DNAH11: variants seen among roughly 807,000 people sequenced by gnomAD.
DNAH11 encodes dynein axonemal heavy chain 11, also known as axonemal beta dynein heavy chain 11.
A neutral mutation model predicts 526.0 loss-of-function variants in DNAH11; 442 were observed. The observed-to-expected ratio is 0.84, with a 90% confidence interval of 0.78 to 0.91. The LOEUF is 0.91. Among genes scored for constraint, DNAH11 ranks in the 40% least tolerant of loss-of-function variants. DNAH11 has a pLI of 0.00. For missense variants in DNAH11, 6,989 were observed against 5,448.7 expected (o/e 1.28, Z -8.90); for synonymous variants, 2,461 against 1,935.9 (o/e 1.27, Z -7.12).
intron 65 of DNAH11, among the ~76,000 whole-genome samples, chr7:21,839,962 T>A (rs62445862): frequency 1.3e-5 from 2 of 152,178 alleles, no homozygotes; most frequent in Non-Finnish European, 2.9e-5. Context: ...TGTAAGAAAA[T>A]TTTAATTTTT....
Position 21,617,756 on chromosome 7 carries a change from C to T in DNAH11, c.4233C>T (p.His1411=), listed in dbSNP as rs773424828. Residue 1411 remains histidine (H), a synonymous_variant, in exon 23 of 82, where the codon CAC becomes CAT. Transcript: ENST00000409508. The part of the protein sequence containing the change: ...QSPALRDRHW[H]QLMKAIGVKF... The stretch of plus-strand genomic sequence containing the variant: ...CTGCCCTCAGGGACAGGCATTGGCA[C>T]CAGCTGATGAAAGCTATTGGGGTCA... 2 of 1,604,704 alleles carry T rather than the reference C, an allele frequency of 1.2e-6. No individual in the cohort carries two copies. The highest frequency in any genetic ancestry group is 2.7e-5 in the African/African-American group (2 of 74,464).
At chr7:21,889,931 C>T (rs1361024286) in intron 76 of DNAH11, among the ~76,000 whole-genome samples, 2 of 152,128 alleles carry the variant, frequency 1.3e-5, no homozygotes, top group Non-Finnish European at 2.9e-5. Context: ...TGATGGTTTT[C>T]TTAAAGTAAA....
intron 65 of DNAH11, among the ~76,000 whole-genome samples, chr7:21,842,300 G>A (rs564154086): frequency 2.2e-4 from 34 of 152,260 alleles, no homozygotes; most frequent in African/African-American, 7.7e-4. Flanking sequence ...TTGTTACAGT[G>A]ACACTATGGG....
intron 41 of DNAH11, 79 bp downstream of exon 41, chr7:21,710,782 T>C (rs1416822632): frequency 7.2e-7 from 1 of 1,391,444 alleles, no homozygotes; most frequent in African/African-American, 1.5e-5. Flanking sequence ...TCGATGTTAA[T>C]ACTAGTTTTT....
intron 54 of DNAH11, among the ~76,000 whole-genome samples, chr7:21,751,742 C>A (rs1000450723): frequency 6.6e-6 from 1 of 152,166 alleles, no homozygotes; most frequent in East Asian, 1.9e-4. Flanking sequence ...TCAAGTTTCA[C>A]GTTAATCTTA....
At chr7:21,589,146 A>G in intron 11 of DNAH11, 62 bp from the exon 12 acceptor site, 2 of 1,296,884 alleles carry the variant, frequency 1.5e-6, no homozygotes, top group Non-Finnish European at 2.1e-6. Context: ...TTACTATACA[A>G]TTATTAAGCG....
rs564908525 is a variant in DNAH11 at position 21,814,951 on chromosome 7, T to A, written c.10333-1516T>A. On this transcript the variant is annotated intron_variant, in intron 63 of 81. Coordinates refer to ENST00000409508, the MANE Select transcript of DNAH11 (RefSeq NM_001277115.2). ...ATACTATCGAAACATCCTAAAAATT[T>A]GAGTCTCAAAGTAGTCACTATAGTT... 3.0e-3 allele frequency among the ~76,000 whole-genome samples: 452 copies of A among 152,328 alleles called. 2 individuals are homozygous for A. Among genetic ancestry groups the A allele is most frequent in the African/African-American group, 9.9e-3 (413 of 41,572 alleles).
At chr7:21,782,037 C>T (rs1239949290) in intron 57 of DNAH11, among the ~76,000 whole-genome samples, 2 of 152,208 alleles carry the variant, frequency 1.3e-5, no homozygotes, top group African/African-American at 4.8e-5. Context: ...TGTAAAGGCC[C>T]TGTCTCCAGA....
chr7:21,842,484 C>G lies in DNAH11; in HGVS notation c.10692-60C>G, dbSNP rs999821377. On this transcript the variant is annotated intron_variant, in intron 65 of 81. Transcript: ENST00000409508. ...ATAAGAATACAGGAATGGAATGACA[C>G]CGTAGTATCAGTTATGGGTCATAGG... is the stretch of plus-strand genomic sequence containing the variant. The G allele has an allele frequency of 2.9e-6, 4 of 1,388,302 alleles. No homozygotes were observed. In the African/African-American group the frequency reaches 4.3e-5, roughly 15 times the overall value. The allele number at this position is 1,388,302 out of a possible 1,614,324, so 86.0% of individuals were successfully genotyped here. A position where few individuals can be genotyped will look rare whatever the true frequency, so the allele number is the denominator to read the frequency against.
chr7:21,868,054 C>A lies in DNAH11; in HGVS notation c.11839+47C>A, dbSNP rs72658815. 2,824 of 1,410,980 alleles carry A rather than the reference C, an allele frequency of 2.0e-3. 45 individuals carry two copies. In the African/African-American group the frequency reaches 0.035, roughly 18 times the overall value. 87.4% of individuals were successfully genotyped at this position (1,410,980 alleles called of 1,614,324 possible). On this transcript the variant is annotated intron_variant, in intron 72 of 81. Coordinates refer to ENST00000409508, the MANE Select transcript of DNAH11 (RefSeq NM_001277115.2). ...TGGCCCGCCCCTTCTCCCTCCCTCC[C>A]TTTCACCCCCACCCCTGCCCTTCTT...
chr7:21,712,216 C>T (rs774923435), intron 42 of DNAH11, among the ~76,000 whole-genome samples: 1 of 152,090 alleles, frequency 6.6e-6, no homozygotes, highest in Non-Finnish European at 1.5e-5. Flanking sequence ...GTAGTATTTC[C>T]TTTTTTAAGG....
intron 34 of DNAH11, among the ~76,000 whole-genome samples, chr7:21,688,187 G>T (rs879823894): frequency 6.6e-6 from 1 of 152,034 alleles, no homozygotes; most frequent in African/African-American, 2.4e-5. Context: ...CTTTCTTCAC[G>T]TGGGTTGAGG....
chr7:21,685,654 T>C (rs916710754), intron 32 of DNAH11, among the ~76,000 whole-genome samples: 1 of 152,178 alleles, frequency 6.6e-6, no homozygotes, highest in Non-Finnish European at 1.5e-5. Flanking sequence ...GTCAACTGTG[T>C]ATTGACTAGA....
chr7:21,900,937 AC>A, intron 81 of DNAH11, 69 bp from the exon 82 acceptor site: 1 of 1,222,074 alleles, frequency 8.2e-7, no homozygotes, highest in Non-Finnish European at 1.1e-6. Context: ...ATTGCATCAA[AC>A]AACTTACTTG....
In DNAH11 at chr7:21,690,849, C is replaced by T. The variant is rs779108660; in HGVS notation, c.6009C>T (p.Thr2003=). ...TGAACCCGGGTTATGCTGGTCGAAC[C>T]GAATTACCGGAAAATCTCAAAGCTC... ...ITMNPGYAGR[T]ELPENLKALF... The change falls in exon 35 of 82, where the codon ACC becomes ACT. Residue 2003 remains threonine, a synonymous_variant. Coordinates refer to ENST00000409508, the MANE Select transcript of DNAH11 (RefSeq NM_001277115.2). 6.2e-6 allele frequency: 10 copies of T among 1,612,364 alleles called. No individual in the cohort carries two copies. The highest frequency in any genetic ancestry group is 2.2e-5 in the East Asian group (1 of 44,794).
At chr7:21,821,099 G>T (rs184339146) in intron 65 of DNAH11, among the ~76,000 whole-genome samples, 22 of 152,272 alleles carry the variant, frequency 1.4e-4, no homozygotes, top group African/African-American at 5.3e-4. Context: ...GGATATTATG[G>T]TGGGGAAAAA....
At chr7:21,670,550 T>C (rs1372700358) in intron 30 of DNAH11, among the ~76,000 whole-genome samples, 1 of 152,132 alleles carries the variant, frequency 6.6e-6, no homozygotes, top group Non-Finnish European at 1.5e-5. Context: ...AGCTATTGAA[T>C]TGGTTGGGCC....
chr7:21,797,424 G>A (rs1443492330), intron 61 of DNAH11, among the ~76,000 whole-genome samples: 1 of 151,604 alleles, frequency 6.6e-6, no homozygotes, highest in Non-Finnish European at 1.5e-5. Context: ...TCTCTATGTT[G>A]GTCAGGCTGG....
intron 28 of DNAH11, among the ~76,000 whole-genome samples, chr7:21,651,665 A>G (rs181037028): frequency 2.6e-5 from 4 of 152,358 alleles, no homozygotes; most frequent in Non-Finnish European, 5.9e-5. Context: ...CTTTTATTTC[A>G]TAAGAGGTTC....
Sources: allele counts gnomAD v4.1 joint callset (sites outside exome capture counted in the v4.1 genomes callset), GRCh38; gene constraint gnomAD v4.1.1; transcripts MANE v1.5; gene names NCBI Gene and HGNC (gene_info 2026-07-23, HGNC 2026-07-21).